The following ADAMTS13 variants were observed in gnomAD, a reference collection of about 807,000 sequenced individuals.
ADAMTS13 encodes the protein A disintegrin and metalloproteinase with thrombospondin motifs 13.
ADAMTS13 carries 110 observed loss-of-function variants against 155.1 expected under a neutral mutation model. That is an observed-to-expected ratio of 0.71 (90% CI 0.61 to 0.83). The LOEUF is 0.83. ADAMTS13 is among the 40% of genes least tolerant of loss of function. The pLI, the probability that ADAMTS13 is intolerant of heterozygous loss-of-function variation, is 0.00. For synonymous variants in ADAMTS13, 758 were observed against 756.4 expected, an observed-to-expected ratio of 1.00 and a Z score of -0.03; for missense variants, 1,707 against 1,891.7, an observed-to-expected ratio of 0.90 and a Z score of 1.81.
rs1554796581 is a variant in ADAMTS13, at chr9:133,457,935, C to T, written c.3750C>T (p.Pro1250=). 7 of 1,613,844 alleles carry T rather than the reference C, an allele frequency of 4.3e-6. No individual in the cohort carries two copies. Among genetic ancestry groups the T allele is most frequent in the Non-Finnish European group, 5.1e-6 (6 of 1,180,030 alleles). Residue 1250 remains proline, a synonymous_variant, in exon 28 of 29, where the codon CCC becomes CCT. Coordinates refer to ENST00000355699, the MANE Select transcript of ADAMTS13 (RefSeq NM_139027.6). ...YRECDMQLFG[P]WGEIVSPSLS... is the part of the protein sequence containing the mutation. ...AATGTGACATGCAGCTCTTTGGGCCCTGGGGTGAAATCGTGAGCCCCTCGC... is the reference window on the plus strand; with the variant it reads ...AATGTGACATGCAGCTCTTTGGGCCTTGGGGTGAAATCGTGAGCCCCTCGC...
intron 18 of ADAMTS13, 114 bp downstream of exon 18, chr9:133,442,857 C>A: frequency 6.2e-6 from 9 of 1,442,444 alleles, no homozygotes; most frequent in Non-Finnish European, 7.3e-6. Context: ...TGAGCTGCTC[C>A]TGTGCAGGCT....
At chr9:133,416,936 CAT>C (rs1839654822) in intron 1 of ADAMTS13, among the ~76,000 whole-genome samples, 1 of 152,194 alleles carries the variant, frequency 6.6e-6, no homozygotes, top group Non-Finnish European at 1.5e-5. Flanking sequence ...AACCCCATCA[CAT>C]GTCTGCTATC....
chr9:133,425,569 T>G lies in ADAMTS13; in HGVS notation c.371T>G (p.Phe124Cys). 3.7e-6 allele frequency: 6 copies of G among 1,613,732 alleles called. No homozygotes were observed. The highest frequency in any genetic ancestry group is 3.4e-6 in the Non-Finnish European group (4 of 1,180,010). ...CGGGACCCGTCCCTGGGGGCTCAGT[T>G]TCGGGTGCACCTGGTGAAGATGGTC... is the stretch of plus-strand genomic sequence containing the variant. ...LLRDPSLGAQ[F>C]RVHLVKMVIL... Residue 124 changes from phenylalanine to cysteine, a missense_variant, in exon 4 of 29, where the codon TTT becomes TGT. Around this residue, in one of 3 missense-constraint regions of ADAMTS13, gnomAD observed 733 missense variants for 749.6 expected, o/e 0.98. Coordinates refer to ENST00000355699, the MANE Select transcript of ADAMTS13 (RefSeq NM_139027.6). The surrounding 1 kb of genome is among the most constrained non-coding windows in gnomAD (Gnocchi z 4.6).
rs781993504 is a variant in ADAMTS13, at chr9:133,440,405, C to T, written c.1848C>T (p.Thr616=). The change falls in exon 16 of 29, where the codon ACC becomes ACT. Residue 616 remains threonine (T), a synonymous_variant. Transcript: ENST00000355699. The surrounding 1 kb of genome is among the most constrained non-coding windows in gnomAD (Gnocchi z 4.3). ...AGKMSISPNT[T]YPSLLEDGRV... ...AGATGAGCATCTCCCCTAACACCACCTACCCCTCCCTCCTGGAGGATGGTC... is the reference window on the plus strand; with the variant it reads ...AGATGAGCATCTCCCCTAACACCACTTACCCCTCCCTCCTGGAGGATGGTC... 2.5e-6 allele frequency: 4 copies of T among 1,613,952 alleles called. No homozygotes were observed. Among genetic ancestry groups the T allele is most frequent in the East Asian group, 4.5e-5 (2 of 44,864 alleles).
rs1554785029 is a variant in ADAMTS13, at chr9:133,425,643, T to C, written c.414+31T>C. ...CATGGAGCTGGAACTCAGCACACCA[T>C]ACAGAGCGGGAAGCCCAAGTCATCG... On this transcript the variant is annotated intron_variant, in intron 4 of 28. Coordinates refer to ENST00000355699, the MANE Select transcript of ADAMTS13 (RefSeq NM_139027.6). The surrounding 1 kb of genome is among the most constrained non-coding windows in gnomAD (Gnocchi z 4.6). 1.2e-6 allele frequency: 2 copies of C among 1,606,984 alleles called. No homozygotes were observed. The highest frequency in any genetic ancestry group is 8.5e-7 in the Non-Finnish European group (1 of 1,176,038).
exon 1 of ADAMTS13, chr9:133,414,425 C>A: frequency 1.5e-6 from 1 of 686,638 alleles, no homozygotes; most frequent in Non-Finnish European, 2.7e-6. Flanking sequence ...TTTCCTTCCA[C>A]ACACGTGTAC....
Position 133,454,630 on chromosome 9 carries a change from C to A in ADAMTS13, c.3249+11C>A, listed in dbSNP as rs587686668. The A allele has an allele frequency of 1.4e-5, 22 of 1,586,312 alleles. No homozygotes were observed. Among genetic ancestry groups the A allele is most frequent in the Non-Finnish European group, 1.9e-5 (22 of 1,173,226 alleles). On this transcript the variant is annotated intron_variant, in intron 24 of 28. Transcript: ENST00000355699. ...GGCACCTGGATGGAGGTGAGCACAGCGGGCACTCGGAATCCCTATGGGGCT... is the reference window on the plus strand; with the variant it reads ...GGCACCTGGATGGAGGTGAGCACAGAGGGCACTCGGAATCCCTATGGGGCT...
upstream of ADAMTS13, chr9:133,422,327 C>T: frequency 3.9e-6 from 4 of 1,025,624 alleles, no homozygotes; most frequent in South Asian, 3.9e-5. Flanking sequence ...AGAGTAAACA[C>T]TGCCTAATCG....
In ADAMTS13 at chr9:133,441,506, C is replaced by T. The variant is rs913498050; in HGVS notation, c.1969-893C>T. 6.6e-6 allele frequency among the ~76,000 whole-genome samples: 1 copy of T among 152,198 alleles called. No homozygotes were observed. Among genetic ancestry groups the T allele is most frequent in the African/African-American group, 2.4e-5 (1 of 41,450 alleles). On this transcript the variant is annotated intron_variant, in intron 16 of 28. Coordinates refer to ENST00000355699, the MANE Select transcript of ADAMTS13 (RefSeq NM_139027.6). The surrounding 1 kb of genome is among the most constrained non-coding windows in gnomAD (Gnocchi z 5.0). ...CCTGTGTTGGGCCTGAGAAACCGCA[C>T]CGTAACCAACACAGGCTTGCGGCAC...
At chr9:133,433,747 C>A (rs199534062) in intron 11 of ADAMTS13, 43 bp downstream of exon 11, 458 of 1,605,194 alleles carry the variant, frequency 2.9e-4, no homozygotes, top group Non-Finnish European at 3.6e-4. Flanking sequence ...CTGGTGGCAC[C>A]GGGCCCTGGG....
chr9:133,440,362 G>C lies in ADAMTS13; in HGVS notation c.1805G>C (p.Arg602Pro). 6.2e-7 allele frequency: 1 copy of C among 1,613,980 alleles called. No individual in the cohort carries two copies. The highest frequency in any genetic ancestry group is 1.3e-5 in the African/African-American group (1 of 75,066). ...FTHLAVRIGGRYVVAGKMSIS... is the reference protein window; with the variant it reads ...FTHLAVRIGGPYVVAGKMSIS... ...CCGACAGCGGTGAGGATCGGAGGGCGCTATGTCGTGGCTGGGAAGATGAGC... is the reference window on the plus strand; with the variant it reads ...CCGACAGCGGTGAGGATCGGAGGGCCCTATGTCGTGGCTGGGAAGATGAGC... The change falls in exon 16 of 29, where the codon CGC becomes CCC. Residue 602 changes from arginine (R) to proline (P), a missense_variant. Arg to Pro is a moderately radical substitution (Grantham distance 103). Coordinates refer to ENST00000355699, the MANE Select transcript of ADAMTS13 (RefSeq NM_139027.6). This position sits in a 1 kb window ranked among gnomAD's most constrained non-coding sequence, Gnocchi z 4.3.
chr9:133,429,850 G>C (rs1554786578), intron 7 of ADAMTS13, 89 bp from the exon 8 acceptor site: 18 of 1,498,872 alleles, frequency 1.2e-5, no homozygotes, highest in Admixed American at 2.0e-5. Flanking sequence ...GCTTCCAAAC[G>C]CTTCCATCCT....
intron 21 of ADAMTS13, among the ~76,000 whole-genome samples, chr9:133,447,547 A>C (rs587607135): frequency 6.6e-6 from 1 of 152,260 alleles, no homozygotes; most frequent in South Asian, 2.1e-4. Context: ...GATTATAGGC[A>C]TGAGCCACTG....
intron 28 of ADAMTS13, 63 bp downstream of exon 28, chr9:133,458,157 C>T: frequency 6.3e-7 from 1 of 1,579,604 alleles, no homozygotes; most frequent in Non-Finnish European, 8.6e-7. Flanking sequence ...GCGTGCAGGG[C>T]TAGGGGACCC....
chr9:133,455,581 C>T (rs1554795623), intron 25 of ADAMTS13, 146 bp downstream of exon 25: 1 of 1,604,962 alleles, frequency 6.2e-7, no homozygotes. Flanking sequence ...TGCCCGGGCC[C>T]CAGGAAAACT....
intron 7 of ADAMTS13, among the ~76,000 whole-genome samples, chr9:133,429,400 C>T (rs900455179): frequency 2.1e-5 from 3 of 145,714 alleles, no homozygotes; most frequent in Non-Finnish European, 4.5e-5. Context: ...ACATACACTC[C>T]CTGGTTCTCT....
In ADAMTS13 at chr9:133,425,840, AG is replaced by A; in HGVS notation, c.415-95del. 2 of 1,563,614 alleles carry A rather than the reference AG, an allele frequency of 1.3e-6. No individual in the cohort carries two copies. The highest frequency in any genetic ancestry group is 1.7e-6 in the Non-Finnish European group (2 of 1,156,004). ...CTCATCCCTAACACGGGCTAGTCATAGGGTTGTTAGGAGGACTAACTGGGAA... is the reference window on the plus strand; with the variant it reads ...CTCATCCCTAACACGGGCTAGTCATAGGTTGTTAGGAGGACTAACTGGGAA... On this transcript the variant is annotated intron_variant, in intron 4 of 28. Transcript: ENST00000355699. This position sits in a 1 kb window ranked among gnomAD's most constrained non-coding sequence, Gnocchi z 4.6.
chr9:133,442,634 A>T lies in ADAMTS13; in HGVS notation c.2125A>T (p.Ser709Cys), dbSNP rs1008163385. The stretch of plus-strand genomic sequence containing the variant: ...CCCAGGGCTGCGCTGGGTAAACTAC[A>T]GCTGCCTGGACCAGGCCAGGAAGGA... ...CGAGLRWVNYSCLDQARKELV... is the reference protein window; with the variant it reads ...CGAGLRWVNYCCLDQARKELV... Residue 709 changes from serine to cysteine, a missense_variant, in exon 18 of 29, where the codon AGC becomes TGC. This residue lies in a region of ADAMTS13 where 961 missense variants were observed against 1,107.9 expected (regional missense o/e 0.87). Transcript: ENST00000355699. The T allele has an allele frequency of 3.1e-6, 5 of 1,613,152 alleles. No individual in the cohort carries two copies. The African/African-American group carries it at 6.7e-5, about 22-fold the overall frequency.
At position 133,455,450 on chromosome 9, in the gene ADAMTS13, G is replaced by A. The variant is rs902499005; in HGVS notation, c.3400+15G>A. 4 of 1,612,498 alleles carry A rather than the reference G, an allele frequency of 2.5e-6. No homozygotes were observed. Among genetic ancestry groups the A allele is most frequent in the African/African-American group, 1.3e-5 (1 of 75,040 alleles). On this transcript the variant is annotated intron_variant, in intron 25 of 28. Transcript: ENST00000355699. ...TGTGGGACAGGGTACGCCCAGCCTG[G>A]TGCCCCACGAAGAAGCCGCTGCTCC...
Sources: gnomAD v4.1 joint callset for allele counts (sites outside exome capture counted in the v4.1 genomes callset) on GRCh38, gnomAD v4.1.1 for gene constraint, gnomAD v4.1.1 regional missense constraint, Gnocchi (gnomAD v3.1) non-coding constraint, MANE v1.5 for transcripts, NCBI Gene and HGNC (gene_info 2026-07-23, HGNC 2026-07-21) for gene names.